The following ZNF211 variants were observed in gnomAD, a reference collection of about 807,000 sequenced individuals.
ZNF211 encodes zinc finger protein 211, also known as zinc finger protein C2H2-25.
In ZNF211, 18 loss-of-function variants were observed where a neutral mutation model predicts 12.1. The ratio of observed to expected loss-of-function variants is 1.48; its 90% confidence interval spans 1.03 to 2.20. The LOEUF is 2.20. Among genes scored for constraint, ZNF211 ranks in the 30% most tolerant of loss-of-function variants. The pLI is 0.00. For missense variants in ZNF211, 677 were observed against 703.1 expected (o/e 0.96, Z 0.42); for synonymous variants, 249 against 246.0 (o/e 1.01, Z -0.11).
chr19:57,641,996 A>G lies in ZNF211; in HGVS notation c.1549A>G (p.Thr517Ala), dbSNP rs958373838. Residue 517 changes from threonine to alanine, a missense_variant, in exon 4 of 4, where the codon ACT becomes GCT. Transcript: ENST00000240731. ...SNLIKHLRVH[T>A]GERPYECSEC... The stretch of plus-strand genomic sequence containing the variant: ...CCTCATTAAACACCTGAGAGTTCAC[A>G]CTGGAGAAAGGCCTTATGAGTGCAG... 7 of 1,614,114 alleles carry G rather than the reference A, an allele frequency of 4.3e-6. No homozygotes were observed. The African/African-American group carries it at 5.3e-5, about 12-fold the overall frequency.
At position 57,634,025 on chromosome 19, in the gene ZNF211, T is replaced by G. The variant is rs1981813525; in HGVS notation, c.93T>G (p.Val31=). The G allele has an allele frequency of 2.5e-6, 4 of 1,590,112 alleles. No homozygotes were observed. In the South Asian group the frequency reaches 4.6e-5, roughly 18 times the overall value. Residue 31 remains valine (V), a splice_region_variant and synonymous_variant, in exon 2 of 4, where the codon GTT becomes GTG. Transcript: ENST00000240731. Reference sequence around the variant, plus strand: ...CTGAGGCCTGCGTCTTTCCACAGGTTCCCATAGCTACAGAGGTGCTTTTCA... The same window carrying G: ...CTGAGGCCTGCGTCTTTCCACAGGTGCCCATAGCTACAGAGGTGCTTTTCA... ...MATALRDPAS[V]PIATEVLFKL... is the part of the protein sequence containing the mutation.
intron 3 of ZNF211, among the ~76,000 whole-genome samples, chr19:57,637,478 C>G (rs1433368298): frequency 6.6e-6 from 1 of 152,126 alleles, no homozygotes; most frequent in Non-Finnish European, 1.5e-5. Context: ...TGGTCTTAAG[C>G]TCCTGGCCGC....
intron 2 of ZNF211, 117 bp from the exon 3 acceptor site, chr19:57,634,512 C>T: frequency 7.8e-7 from 1 of 1,276,928 alleles, no homozygotes; most frequent in Non-Finnish European, 1.0e-6. Context: ...ATCAATGACA[C>T]CAAGGTCTGG....
Position 57,643,881 on chromosome 19 carries a change from A to G in ZNF211, c.*1700A>G, listed in dbSNP as rs557036715. On this transcript the variant is annotated 3_prime_UTR_variant, in exon 4 of 4. Coordinates refer to ENST00000240731, the MANE Select transcript of ZNF211 (RefSeq NM_006385.5). Reference sequence around the variant, plus strand: ...TTTTCCAGTTTCATTCATGATGCATAATTATTTTGAGATTCTTCAATGGAG... The same window carrying G: ...TTTTCCAGTTTCATTCATGATGCATGATTATTTTGAGATTCTTCAATGGAG... Among the ~76,000 whole-genome samples the G allele has an allele frequency of 6.6e-6, 1 of 152,256 alleles. No individual in the cohort carries two copies. The highest frequency in any genetic ancestry group is 2.4e-5 in the African/African-American group (1 of 41,546).
intron 3 of ZNF211, among the ~76,000 whole-genome samples, chr19:57,636,164 T>G (rs1215711701): frequency 6.6e-6 from 1 of 152,208 alleles, no homozygotes; most frequent in Non-Finnish European, 1.5e-5. Context: ...GATATGTGAT[T>G]TGCAAATGTT....
Position 57,643,892 on chromosome 19 carries a change from G to T in ZNF211, c.*1711G>T, listed in dbSNP as rs1377898942. On this transcript the variant is annotated 3_prime_UTR_variant, in exon 4 of 4. Transcript: ENST00000240731. ...CATTCATGATGCATAATTATTTTGA[G>T]ATTCTTCAATGGAGCTTATATGTGG... 1.3e-5 allele frequency among the ~76,000 whole-genome samples: 2 copies of T among 152,072 alleles called. No individual in the cohort carries two copies. Among genetic ancestry groups the T allele is most frequent in the African/African-American group, 4.8e-5 (2 of 41,396 alleles).
Position 57,641,278 on chromosome 19 carries a change from A to G in ZNF211, c.831A>G (p.Lys277=). Residue 277 remains lysine, a synonymous_variant, in exon 4 of 4, where the codon AAA becomes AAG. Coordinates refer to ENST00000240731, the MANE Select transcript of ZNF211 (RefSeq NM_006385.5). The part of the protein sequence containing the change: ...EGLFECSKCG[K]ACTRRCNLIQ... ...TTTTTGAGTGCAGTAAATGTGGGAA[A>G]GCATGTACGCGAAGATGTAACCTCA... 6.2e-7 allele frequency: 1 copy of G among 1,614,238 alleles called. No individual in the cohort carries two copies. The highest frequency in any genetic ancestry group is 1.3e-5 in the African/African-American group (1 of 75,076).
intron 3 of ZNF211, among the ~76,000 whole-genome samples, chr19:57,636,861 T>C (rs1411641619): frequency 2.0e-5 from 3 of 152,236 alleles, no homozygotes; most frequent in Non-Finnish European, 1.5e-5. Flanking sequence ...ATCTATTTTA[T>C]TAATGTTTTA....
chr19:57,641,351 G>T lies in ZNF211; in HGVS notation c.904G>T (p.Glu302Ter), dbSNP rs754692928. 2 of 1,614,188 alleles carry T rather than the reference G, an allele frequency of 1.2e-6. No individual in the cohort carries two copies. The highest frequency in any genetic ancestry group is 1.3e-5 in the African/African-American group (1 of 75,054). Residue 302 changes from glutamate to a stop codon, truncating the protein, a stop_gained, in exon 4 of 4, where the codon GAA becomes TAA. Transcript: ENST00000240731. LOFTEE classifies it low-confidence loss of function (END_TRUNC). Reference sequence around the variant, plus strand: ...TGAAGAAAGGCCTTATGAATGCAATGAATGTGGAAAATTCTTTACCTACTA... The same window carrying T: ...TGAAGAAAGGCCTTATGAATGCAATTAATGTGGAAAATTCTTTACCTACTA... Reference protein sequence around the residue: ...HSEERPYECNECGKFFTYYSS... With the variant: ...HSEERPYECN
At position 57,642,029 on chromosome 19, in the gene ZNF211, G is replaced by A. The variant is rs758448796; in HGVS notation, c.1582G>A (p.Gly528Arg). The A allele has an allele frequency of 9.9e-6, 16 of 1,614,028 alleles. No individual in the cohort carries two copies. The highest frequency in any genetic ancestry group is 1.3e-5 in the African/African-American group (1 of 74,932). ...AAGGCCTTATGAGTGCAGTGAATGT[G>A]GGAAATCCTTTAGCCAAAGTTCTAG... Reference protein sequence around the residue: ...GERPYECSECGKSFSQSSSLI... With the variant: ...GERPYECSECRKSFSQSSSLI... Residue 528 changes from glycine (G) to arginine (R), a missense_variant, in exon 4 of 4, where the codon GGG (glycine) becomes AGG (arginine). Gly to Arg is a moderately radical substitution (Grantham distance 125, BLOSUM62 -2). Coordinates refer to ENST00000240731, the MANE Select transcript of ZNF211 (RefSeq NM_006385.5).
chr19:57,637,284 T>G (rs1216636745), intron 3 of ZNF211, among the ~76,000 whole-genome samples: 1 of 149,522 alleles, frequency 6.7e-6, no homozygotes, highest in Admixed American at 6.7e-5. Context: ...GAGTATAATT[T>G]TAGCTGTAGG....
At position 57,633,375 on chromosome 19, in the gene ZNF211, A is replaced by C. The variant is rs1216613572; in HGVS notation, c.29A>C (p.Gln10Pro). The stretch of plus-strand genomic sequence containing the variant: ...CTCGGGTTCCCCCCGGGTCGCCCGC[A>C]GCTCCCGGTCCAGCTCCGCCCACAG... MLGFPPGRP[Q>P]LPVQLRPQTR... The change falls in exon 1 of 4, where the codon CAG becomes CCG. Residue 10 changes from glutamine (Q) to proline (P), a missense_variant. Gln to Pro is a moderately conservative substitution (Grantham distance 76, BLOSUM62 -1). Transcript: ENST00000240731. 5.0e-6 allele frequency: 8 copies of C among 1,601,582 alleles called. No individual in the cohort carries two copies. The highest frequency in any genetic ancestry group is 3.4e-5 in the Admixed American group (2 of 59,216).
Position 57,642,305 on chromosome 19 carries a change from T to A in ZNF211, c.*124T>A. 9.1e-7 allele frequency: 1 copy of A among 1,103,792 alleles called. No individual in the cohort carries two copies. Among genetic ancestry groups the A allele is most frequent in the Non-Finnish European group, 1.3e-6 (1 of 781,812 alleles). The allele number at this position is 1,103,792 out of a possible 1,614,324, so 68.4% of individuals were successfully genotyped here. On this transcript the variant is annotated 3_prime_UTR_variant, in exon 4 of 4. Transcript: ENST00000240731. ...GGATATACAGTGGGCGGATTCCCCTTAAGTTCCAGGTATGTGTTACACTTT... is the reference window on the plus strand; with the variant it reads ...GGATATACAGTGGGCGGATTCCCCTAAAGTTCCAGGTATGTGTTACACTTT...
chr19:57,635,043 C>T, intron 3 of ZNF211: 3 of 818,232 alleles, frequency 3.7e-6, no homozygotes, highest in Non-Finnish European at 4.4e-6. Context: ...CCAGTTTTCC[C>T]TCCCTTCGTG....
rs754042886 is a variant in ZNF211 at position 57,641,175 on chromosome 19, A to G, written c.728A>G (p.Asn243Ser). 3 of 1,614,244 alleles carry G rather than the reference A, an allele frequency of 1.9e-6. No individual in the cohort carries two copies. The highest frequency in any genetic ancestry group is 1.7e-6 in the Non-Finnish European group (2 of 1,180,042). Residue 243 changes from asparagine to serine, a missense_variant, in exon 4 of 4, where the codon AAC becomes AGC. Transcript: ENST00000240731. ...VAFYSGKSHHNWGKCSKAFSH... is the reference protein window; with the variant it reads ...VAFYSGKSHHSWGKCSKAFSH... ...TTTTACAGTGGAAAAAGTCATCACAACTGGGGAAAATGCAGTAAAGCCTTT... is the reference window on the plus strand; with the variant it reads ...TTTTACAGTGGAAAAAGTCATCACAGCTGGGGAAAATGCAGTAAAGCCTTT...
At chr19:57,639,847 T>C in intron 3 of ZNF211, 1 of 1,427,620 alleles carries the variant, frequency 7.0e-7, no homozygotes, top group Admixed American at 2.7e-5. Flanking sequence ...ACTTTCCTTG[T>C]TCTTTTTTGT....
At position 57,641,585 on chromosome 19, in the gene ZNF211, A is replaced by G; in HGVS notation, c.1138A>G (p.Arg380Gly). The G allele has an allele frequency of 7.4e-6, 12 of 1,614,098 alleles. No individual in the cohort carries two copies. The highest frequency in any genetic ancestry group is 1.0e-5 in the Non-Finnish European group (12 of 1,180,020). The change falls in exon 4 of 4, where the codon AGG (arginine) becomes GGG (glycine). Residue 380 changes from arginine to glycine, a missense_variant. Coordinates refer to ENST00000240731, the MANE Select transcript of ZNF211 (RefSeq NM_006385.5). Reference protein sequence around the residue: ...MQHRRVHTGERPYECSECGKS... With the variant: ...MQHRRVHTGEGPYECSECGKS... ...GCATCGCAGAGTTCACACTGGAGAA[A>G]GGCCTTATGAATGCAGCGAATGTGG...
chr19:57,634,972 C>T (rs1466285083), intron 3 of ZNF211: 1 of 985,110 alleles, frequency 1.0e-6, no homozygotes, highest in Non-Finnish European at 1.2e-6. Flanking sequence ...TTACAGTAAG[C>T]CTAATAGATC....
rs562352325 is a variant in ZNF211, at chr19:57,642,295, G to A, written c.*114G>A. The A allele has an allele frequency of 4.1e-5, 49 of 1,203,812 alleles. 1 individual carries two copies. The East Asian group carries it at 4.2e-4, about 10-fold the overall frequency. 74.6% of individuals were successfully genotyped at this position (1,203,812 alleles called of 1,614,324 possible). ...CAACATCTAAGGATATACAGTGGGC[G>A]GATTCCCCTTAAGTTCCAGGTATGT... On this transcript the variant is annotated 3_prime_UTR_variant, in exon 4 of 4. Transcript: ENST00000240731.
Sources: gnomAD v4.1 joint callset for allele counts (sites outside exome capture counted in the v4.1 genomes callset) on GRCh38, gnomAD v4.1.1 for gene constraint, MANE v1.5 for transcripts, NCBI Gene and HGNC (gene_info 2026-07-23, HGNC 2026-07-21) for gene names.